CCDC66: variants seen among roughly 807,000 people sequenced by gnomAD.
CCDC66 encodes coiled-coil domain containing 66, also known as coiled-coil domain-containing protein 66.
A neutral mutation model predicts 128.3 loss-of-function variants in CCDC66; 133 were observed. The ratio of observed to expected loss-of-function variants is 1.04; its 90% CI spans 0.90 to 1.20. CCDC66 has a LOEUF of 1.20. Ranked by LOEUF, CCDC66 falls within the 50% of genes most tolerant of loss-of-function variation. The pLI, the probability that CCDC66 is intolerant of heterozygous loss-of-function variation, is 0.00. For synonymous variants in CCDC66, 387 were observed against 357.0 expected (o/e 1.08, Z -0.95); for missense variants, 1,126 against 1,075.5 (o/e 1.05, Z -0.66).
Position 56,593,720 on chromosome 3 carries a change from T to C in CCDC66, c.1298T>C (p.Met433Thr). The change falls in exon 9 of 18, where the codon ATG (methionine) becomes ACG (threonine). Residue 433 changes from methionine to threonine, a missense_variant. Coordinates refer to ENST00000394672, the MANE Select transcript of CCDC66 (RefSeq NM_001141947.3). ...HIAKPIKDVVMANSKKTNFLR... is the reference protein window; with the variant it reads ...HIAKPIKDVVTANSKKTNFLR... Reference sequence around the variant, plus strand: ...GCAAAACCTATTAAGGATGTGGTTATGGCAAACAGTAAGAAAACAAAGTAA... The same window carrying C: ...GCAAAACCTATTAAGGATGTGGTTACGGCAAACAGTAAGAAAACAAAGTAA... 6.2e-7 allele frequency: 1 copy of C among 1,612,794 alleles called. No homozygotes were observed. Among genetic ancestry groups the C allele is most frequent in the Non-Finnish European group, 8.5e-7 (1 of 1,178,802 alleles).
chr3:56,604,853 C>G (rs189201776), intron 10 of CCDC66, among the ~76,000 whole-genome samples: 3 of 152,170 alleles, frequency 2.0e-5, no homozygotes, highest in Admixed American at 6.5e-5. Context: ...GGATAATATC[C>G]TGAAGAGTGT....
chr3:56,601,776 T>C (rs1409714164), intron 10 of CCDC66, among the ~76,000 whole-genome samples: 1 of 152,062 alleles, frequency 6.6e-6, no homozygotes, highest in Non-Finnish European at 1.5e-5. Flanking sequence ...TGTTTGTCTG[T>C]TATTGGTGTA....
At position 56,566,107 on chromosome 3, in the gene CCDC66, C is replaced by CTTTTGT. The variant is rs1553662674; in HGVS notation, c.545-484_545-483insTGTTTT. Among the ~76,000 whole-genome samples the CTTTTGT allele has an allele frequency of 6.7e-5, 10 of 148,942 alleles. No individual in the cohort carries two copies. In the East Asian group the frequency reaches 1.4e-3, roughly 21 times the overall value. ...CATTTAACCTCTGGGCTTCAGTTTCCTTTGTTTTGTTTTGTTTTGTTTTGT... is the reference window on the plus strand; with the variant it reads ...CATTTAACCTCTGGGCTTCAGTTTCCTTTTGTTTTGTTTTGTTTTGTTTTGTTTTGT... On this transcript the variant is annotated intron_variant, in intron 4 of 17. Transcript: ENST00000394672.
At chr3:56,596,656 G>T (rs951363188) in intron 10 of CCDC66, among the ~76,000 whole-genome samples, 1 of 151,622 alleles carries the variant, frequency 6.6e-6, no homozygotes, top group Non-Finnish European at 1.5e-5. Context: ...TTGAGGTCTC[G>T]ACCACAAACT....
chr3:56,619,640 G>A (rs2076080573), intron 16 of CCDC66, 113 bp downstream of exon 16: 2 of 1,484,564 alleles, frequency 1.3e-6, no homozygotes, highest in African/African-American at 2.8e-5. Context: ...AAAGTTTCTT[G>A]AATATGTCTT....
chr3:56,558,963 A>C, intron 2 of CCDC66, 53 bp downstream of exon 2: 2 of 1,268,888 alleles, frequency 1.6e-6, no homozygotes, highest in Non-Finnish European at 2.2e-6. Flanking sequence ...CATACATAAA[A>C]TTTATATTAG....
intron 10 of CCDC66, among the ~76,000 whole-genome samples, chr3:56,597,966 G>C (rs932603288): frequency 6.6e-6 from 1 of 151,136 alleles, no homozygotes; most frequent in African/African-American, 2.4e-5. Context: ...AGTAGAGATG[G>C]GGTTTCGCAG....
intron 3 of CCDC66, 168 bp from the exon 4 acceptor site, chr3:56,563,516 G>T (rs575485041): frequency 5.3e-6 from 3 of 565,990 alleles, no homozygotes; most frequent in Non-Finnish European, 9.2e-6. Context: ...ATAATTTCTA[G>T]TTGTTGATGA....
rs545638211 is a variant in CCDC66 at position 56,557,354 on chromosome 3, G to A, written c.11+101G>A. 3 of 1,462,322 alleles carry A rather than the reference G, an allele frequency of 2.1e-6. No homozygotes were observed. The South Asian group carries it at 3.9e-5, about 19-fold the overall frequency. The allele number at this position is 1,462,322 out of a possible 1,614,324, so 90.6% of individuals were successfully genotyped here. Reference sequence around the variant, plus strand: ...GTTGTCCCTTGGAGTCTTTACTGGAGAACGTTCCCAACCTGCGCCGCCGAG... The same window carrying A: ...GTTGTCCCTTGGAGTCTTTACTGGAAAACGTTCCCAACCTGCGCCGCCGAG... On this transcript the variant is annotated intron_variant, in intron 1 of 17. Coordinates refer to ENST00000394672, the MANE Select transcript of CCDC66 (RefSeq NM_001141947.3).
chr3:56,568,585 G>A (rs1196350969), intron 6 of CCDC66, among the ~76,000 whole-genome samples: 3 of 152,040 alleles, frequency 2.0e-5, no homozygotes, highest in Admixed American at 2.0e-4. Context: ...GCCCTTGTAA[G>A]GTCAAAGATT....
At chr3:56,610,488 G>C (rs960543682) in intron 10 of CCDC66, among the ~76,000 whole-genome samples, 1 of 152,064 alleles carries the variant, frequency 6.6e-6, no homozygotes, top group Non-Finnish European at 1.5e-5. Context: ...TCATTTTTCT[G>C]ATTTCCTTGC....
In CCDC66 at chr3:56,621,183, C is replaced by A. The variant is rs554953089; in HGVS notation, c.2761-349C>A. 5.7e-4 allele frequency: 86 copies of A among 151,466 alleles called. 1 individual carries two copies. Among genetic ancestry groups the A allele is most frequent in the Middle Eastern group, 3.0e-3 (1 of 330 alleles). 9.4% of individuals were successfully genotyped at this position (151,466 alleles called of 1,614,324 possible). On this transcript the variant is annotated intron_variant, in intron 17 of 17. Transcript: ENST00000394672. ...CCAAAAAAAAACAAAACAACAACAA[C>A]AAAAAAAAAACACTGTATGTTAAGG...
At chr3:56,619,679 C>A in intron 16 of CCDC66, 98 bp from the exon 17 acceptor site, 1 of 1,500,024 alleles carries the variant, frequency 6.7e-7, no homozygotes, top group Non-Finnish European at 9.0e-7. Flanking sequence ...TCCTAGGATA[C>A]ATACTTATTA....
At chr3:56,557,508 T>G (rs1044628163) in intron 1 of CCDC66, among the ~76,000 whole-genome samples, 1 of 152,060 alleles carries the variant, frequency 6.6e-6, no homozygotes, top group Admixed American at 6.6e-5. Flanking sequence ...CGGTCCCTTA[T>G]TTACCTCAGG....
chr3:56,582,849 T>TTTA (rs66485521), intron 7 of CCDC66, among the ~76,000 whole-genome samples: 35,682 of 134,508 alleles, frequency 0.27, 4,970 homozygotes, highest in Non-Finnish European at 0.3. Context: ...CTCAACTTTC[T>TTTA]TTATTATTAT....
intron 10 of CCDC66, among the ~76,000 whole-genome samples, chr3:56,598,155 TTTG>T (rs1390496537): frequency 7.1e-3 from 22 of 3,104 alleles, no homozygotes; most frequent in Non-Finnish European, 0.047. Flanking sequence ...TTTTGTTTTG[TTTG>T]TTTGTTTGTT....
intron 10 of CCDC66, among the ~76,000 whole-genome samples, chr3:56,604,992 T>C (rs2073860184): frequency 6.6e-6 from 1 of 152,050 alleles, no homozygotes; most frequent in Admixed American, 6.6e-5. Context: ...TTTTCTAATC[T>C]TGTCTTTTTG....
rs1251324368 is a variant in CCDC66 at position 56,621,576 on chromosome 3, T to C, written c.2805T>C (p.Pro935=). ...AGGAGTTGGAAAGTAGTCTCCTGCC[T>C]TTAGCTGAAAATCAAGAAGAGAGTT... is the stretch of plus-strand genomic sequence containing the variant. The part of the protein sequence containing the change: ...KQKELESSLL[P]LAENQEESFG... Residue 935 remains proline (P), a synonymous_variant, in exon 18 of 18, where the codon CCT becomes CCC. Coordinates refer to ENST00000394672, the MANE Select transcript of CCDC66 (RefSeq NM_001141947.3). 2 of 1,602,298 alleles carry C rather than the reference T, an allele frequency of 1.2e-6. No homozygotes were observed. Among genetic ancestry groups the C allele is most frequent in the African/African-American group, 2.7e-5 (2 of 74,496 alleles).
At position 56,615,232 on chromosome 3, in the gene CCDC66, A is replaced by G. The variant is rs759017236; in HGVS notation, c.1671A>G (p.Gln557=). The change falls in exon 12 of 18, where the codon CAA becomes CAG. Residue 557 remains glutamine (Q), a synonymous_variant. Coordinates refer to ENST00000394672, the MANE Select transcript of CCDC66 (RefSeq NM_001141947.3). Reference sequence around the variant, plus strand: ...AACAAAGAATCCGAGAATTGGCGCAAAAGGGACATGACACTTCTAGACTGA... The same window carrying G: ...AACAAAGAATCCGAGAATTGGCGCAGAAGGGACATGACACTTCTAGACTGA... The part of the protein sequence containing the change: ...KQEQRIRELA[Q]KGHDTSRLIK... 3.2e-5 allele frequency: 51 copies of G among 1,614,036 alleles called. No individual in the cohort carries two copies. The highest frequency in any genetic ancestry group is 4.2e-5 in the Non-Finnish European group (49 of 1,180,004).
Sources: allele counts gnomAD v4.1 joint callset (sites outside exome capture counted in the v4.1 genomes callset), GRCh38; gene constraint gnomAD v4.1.1; transcripts MANE v1.5; gene names NCBI Gene and HGNC (gene_info 2026-07-23, HGNC 2026-07-21).